Variants in GRIK2 observed in about 807,000 individuals in gnomAD.
The protein encoded by GRIK2 is glutamate receptor ionotropic, kainate 2.
In GRIK2, 32 loss-of-function variants were observed where a neutral mutation model predicts 100.3. The ratio of observed to expected loss-of-function variants is 0.32; its 90% CI spans 0.24 to 0.43. The LOEUF (loss-of-function observed/expected upper bound fraction) is 0.43. Among genes scored for constraint, GRIK2 ranks in the 20% least tolerant of loss-of-function variants. The probability of loss-of-function intolerance (pLI) is 1.00; values close to 1 mark genes in which losing one functional copy is unlikely to be tolerated. For missense variants in GRIK2, 843 were observed against 1,114.9 expected (o/e 0.76, Z 3.47); for synonymous variants, 417 against 389.4 (o/e 1.07, Z -0.83).
rs34118403 is a variant in GRIK2, at chr6:102,035,400, A to C, written c.2145A>C (p.Ser715=). Residue 715 remains serine (S), a synonymous_variant, in exon 15 of 17, where the codon TCA becomes TCC. Transcript: ENST00000369134. ...CCTTTATGAGTAGCAGAAGGCAGTCAGTGCTGGTCAAAAGTAATGAAGAAG... is the reference window on the plus strand; with the variant it reads ...CCTTTATGAGTAGCAGAAGGCAGTCCGTGCTGGTCAAAAGTAATGAAGAAG... The part of the protein sequence containing the change: ...MWAFMSSRRQ[S]VLVKSNEEGI... 9.9e-6 allele frequency: 16 copies of C among 1,609,466 alleles called. No individual in the cohort carries two copies. In the African/African-American group the frequency reaches 1.9e-4, roughly 19 times the overall value.
chr6:101,793,281 G>A (rs1201820894), intron 7 of GRIK2, among the ~76,000 whole-genome samples: 1 of 152,088 alleles, frequency 6.6e-6, no homozygotes, highest in African/African-American at 2.4e-5. Context: ...GAGGAGAGGT[G>A]CTCTGCTTTT....
chr6:101,529,874 T>C (rs760829731), intron 2 of GRIK2, among the ~76,000 whole-genome samples: 7 of 152,094 alleles, frequency 4.6e-5, no homozygotes, highest in Non-Finnish European at 8.8e-5. Flanking sequence ...ATAAATACAA[T>C]TCATTTTTAT....
intron 12 of GRIK2, among the ~76,000 whole-genome samples, chr6:101,906,395 T>TGTGTGTGTGTGTGTGTGTG (rs1788232295): frequency 6.6e-6 from 1 of 151,704 alleles, no homozygotes; most frequent in African/African-American, 2.4e-5. Context: ...TTTGTGTGTG[T>TGTGTGTGTGTGTGTGTGTG]TTAAACCTTG....
intron 2 of GRIK2, among the ~76,000 whole-genome samples, chr6:101,507,800 GC>G (rs1379745044): frequency 6.6e-6 from 1 of 152,144 alleles, no homozygotes; most frequent in Non-Finnish European, 1.5e-5. Flanking sequence ...TCAGGATCAT[GC>G]CCCCAGAAGG....
intron 2 of GRIK2, among the ~76,000 whole-genome samples, chr6:101,503,505 CA>C (rs1236890489): frequency 4.6e-5 from 7 of 152,082 alleles, no homozygotes; most frequent in African/African-American, 1.7e-4. Context: ...CCGAAAAAAG[CA>C]AATCAATTCC....
chr6:102,027,877 G>A (rs963250635), intron 14 of GRIK2, among the ~76,000 whole-genome samples: 1 of 151,050 alleles, frequency 6.6e-6, no homozygotes, highest in Non-Finnish European at 1.5e-5. Flanking sequence ...TGTCAAATAT[G>A]TTGCTCCCAG....
intron 2 of GRIK2, among the ~76,000 whole-genome samples, chr6:101,588,670 A>ACACACACGCG (rs1554224621): frequency 1.5e-4 from 21 of 142,044 alleles, no homozygotes; most frequent in Admixed American, 2.8e-4. Context: ...ACGCACACGC[A>ACACACACGCG]CACACACACA....
At chr6:101,681,228 G>A (rs1268896610) in intron 5 of GRIK2, among the ~76,000 whole-genome samples, 1 of 151,860 alleles carries the variant, frequency 6.6e-6, no homozygotes, top group Admixed American at 6.6e-5. Flanking sequence ...AGGGTAAATG[G>A]GATATCCATC....
At chr6:101,970,675 A>G (rs1265896665) in intron 14 of GRIK2, among the ~76,000 whole-genome samples, 1 of 151,148 alleles carries the variant, frequency 6.6e-6, no homozygotes, top group Admixed American at 6.6e-5. Context: ...AAAGCTACTC[A>G]TGCCCCATCC....
In GRIK2 at chr6:101,928,560, T is replaced by C; in HGVS notation, c.2013T>C (p.Ala671=). ...VERMESPIDS[A]DDLAKQTKIE... is the part of the protein sequence containing the mutation. ...GCATGGAATCCCCTATTGACTCTGC[T>C]GATGATTTAGCTAAACAAACCAAGA... The change falls in exon 14 of 17, where the codon GCT becomes GCC. Residue 671 remains alanine, a synonymous_variant. Coordinates refer to ENST00000369134, the MANE Select transcript of GRIK2 (RefSeq NM_021956.5). 6.2e-7 allele frequency: 1 copy of C among 1,607,832 alleles called. No individual in the cohort carries two copies. The highest frequency in any genetic ancestry group is 8.5e-7 in the Non-Finnish European group (1 of 1,174,314).
intron 2 of GRIK2, among the ~76,000 whole-genome samples, chr6:101,566,154 G>A (rs1777263327): frequency 6.6e-6 from 1 of 151,670 alleles, no homozygotes; most frequent in African/African-American, 2.4e-5. Flanking sequence ...AAGTCTACAT[G>A]TAAGAGGATC....
chr6:101,912,281 A>G (rs1428964108), intron 12 of GRIK2, among the ~76,000 whole-genome samples: 1 of 151,462 alleles, frequency 6.6e-6, no homozygotes, highest in Non-Finnish European at 1.5e-5. Context: ...GAGGAAGAGC[A>G]GAACCTTTAA....
In GRIK2 at chr6:102,000,026, T is replaced by G. The variant is rs559051089; in HGVS notation, c.2086-35315T>G. On this transcript the variant is annotated intron_variant, in intron 14 of 16. Transcript: ENST00000369134. The stretch of plus-strand genomic sequence containing the variant: ...GATAAACTCAAATTGGTCTTTTTTT[T>G]GTATAGTGTTGAATCTACTTGTTAA... Among the ~76,000 whole-genome samples, 6 of 152,178 alleles carry G rather than the reference T, an allele frequency of 3.9e-5. No individual in the cohort carries two copies. The South Asian group carries it at 1.2e-3, about 31-fold the overall frequency.
At chr6:101,835,256 A>T (rs1411847937) in intron 10 of GRIK2, among the ~76,000 whole-genome samples, 1 of 151,980 alleles carries the variant, frequency 6.6e-6, no homozygotes, top group Non-Finnish European at 1.5e-5. Flanking sequence ...TTTTATTTTA[A>T]CTTGTTTAAA....
At chr6:102,058,007 A>G (rs2114512929) in intron 16 of GRIK2, among the ~76,000 whole-genome samples, 1 of 152,008 alleles carries the variant, frequency 6.6e-6, no homozygotes, top group East Asian at 1.9e-4. Context: ...TGCAATGAAA[A>G]AAAATGTGAC....
intron 2 of GRIK2, among the ~76,000 whole-genome samples, chr6:101,456,639 T>G (rs1232934949): frequency 1.1e-4 from 16 of 152,064 alleles, no homozygotes; most frequent in African/African-American, 3.9e-4. Flanking sequence ...AATGTGTATT[T>G]GGTATATGTG....
rs147458216 is a variant in GRIK2 at position 101,505,928 on chromosome 6, G to C, written c.115+106536G>C. ...AGTCAATCTTAAAACATGCAAAAAG[G>C]CTTTAAATTTGGATCGAATATATTG... On this transcript the variant is annotated intron_variant, in intron 2 of 16. Coordinates refer to ENST00000369134, the MANE Select transcript of GRIK2 (RefSeq NM_021956.5). Among the ~76,000 whole-genome samples, 27 of 151,996 alleles carry C rather than the reference G, an allele frequency of 1.8e-4. No homozygotes were observed. In the South Asian group the frequency reaches 3.1e-3, roughly 18 times the overall value.
intron 15 of GRIK2, among the ~76,000 whole-genome samples, chr6:102,051,224 G>A (rs1771164121): frequency 6.7e-6 from 1 of 150,004 alleles, no homozygotes; most frequent in Non-Finnish European, 1.5e-5. Flanking sequence ...ATAACTGTAT[G>A]TACTATGACT....
At position 102,069,323 on chromosome 6, in the gene GRIK2, A is replaced by G. The variant is rs550515264; in HGVS notation, c.*812A>G. On this transcript the variant is annotated 3_prime_UTR_variant, in exon 17 of 17. Transcript: ENST00000369134. ...TAATAATAATAATAATAATAATAAT[A>G]ATAATAATAATAATAAAAGCAGTTG... The G allele has an allele frequency of 5.2e-4, 77 of 147,738 alleles. No homozygotes were observed. Among genetic ancestry groups the G allele is most frequent in the African/African-American group, 1.9e-3 (77 of 40,802 alleles). The allele number at this position is 147,738 out of a possible 1,614,324, so 9.2% of individuals were successfully genotyped here.
Sources: allele counts gnomAD v4.1 joint callset (sites outside exome capture counted in the v4.1 genomes callset), GRCh38; gene constraint gnomAD v4.1.1; transcripts MANE v1.5; gene names NCBI Gene and HGNC (gene_info 2026-07-23, HGNC 2026-07-21).